SEMA6D: variants seen among roughly 807,000 people sequenced by gnomAD.
SEMA6D encodes the protein semaphorin 6D, also known as semaphorin-6D.
In SEMA6D, 35 loss-of-function variants were observed where a neutral mutation model predicts 106.6. The ratio of observed to expected loss-of-function variants is 0.33; its 90% CI spans 0.25 to 0.44. SEMA6D has a LOEUF of 0.44. Among genes scored for constraint, SEMA6D ranks in the 20% least tolerant of loss-of-function variants. The probability of loss-of-function intolerance (pLI) is 1.00; values close to 1 mark genes in which losing one functional copy is unlikely to be tolerated. For missense variants in SEMA6D, 1,185 were observed against 1,345.9 expected, an observed-to-expected ratio of 0.88 and a Z score of 1.87; for synonymous variants, 499 against 487.7, an observed-to-expected ratio of 1.02 and a Z score of -0.31.
intron 1 of SEMA6D, among the ~76,000 whole-genome samples, chr15:47,274,002 T>C (rs2034684245): frequency 6.6e-6 from 1 of 152,122 alleles, no homozygotes; most frequent in Non-Finnish European, 1.5e-5. Context: ...CTGACCTCTT[T>C]GTAGAGCTTG....
chr15:47,513,575 T>C (rs1212204269), intron 3 of SEMA6D, among the ~76,000 whole-genome samples: 5 of 152,052 alleles, frequency 3.3e-5, no homozygotes, highest in African/African-American at 1.2e-4. Context: ...ATTAACAGGG[T>C]AGCAGTTACA....
chr15:47,440,134 GACTGGATGAAAGC>G (rs2041837992), intron 2 of SEMA6D, among the ~76,000 whole-genome samples: 9 of 151,976 alleles, frequency 5.9e-5, no homozygotes, highest in Non-Finnish European at 8.8e-5. Context: ...ACGTGTTAGA[GACTGGATGAAAGC>G]AGTGGTTTTA....
chr15:47,354,631 C>T (rs1336787836), intron 1 of SEMA6D, among the ~76,000 whole-genome samples: 1 of 151,182 alleles, frequency 6.6e-6, no homozygotes, highest in Non-Finnish European at 1.5e-5. Flanking sequence ...ACACATATTT[C>T]TGAAAGTTTT....
intron 1 of SEMA6D, among the ~76,000 whole-genome samples, chr15:47,260,003 T>G (rs1396014469): frequency 6.6e-6 from 1 of 152,048 alleles, no homozygotes; most frequent in African/African-American, 2.4e-5. Context: ...GCATGTTTTT[T>G]TTTTTCCATT....
intron 3 of SEMA6D, among the ~76,000 whole-genome samples, chr15:47,571,366 C>G (rs1013420545): frequency 6.6e-6 from 1 of 152,220 alleles, no homozygotes; most frequent in Non-Finnish European, 1.5e-5. Flanking sequence ...ATTCAAGTGG[C>G]TGCCATGGCC....
chr15:47,768,619 A>G lies in SEMA6D; in HGVS notation c.1804A>G (p.Ser602Gly), dbSNP rs2082471257. 15 of 1,613,204 alleles carry G rather than the reference A, an allele frequency of 9.3e-6. No individual in the cohort carries two copies. The highest frequency in any genetic ancestry group is 1.1e-5 in the Non-Finnish European group (13 of 1,179,472). ...TTCATCTTCTGTTACCACAATGGCA[A>G]GTATCCCAGAAATCACACCTAAAGT... Reference protein sequence around the residue: ...VSSSSVTTMASIPEITPKVID... With the variant: ...VSSSSVTTMAGIPEITPKVID... The change falls in exon 18 of 19, where the codon AGT becomes GGT. Residue 602 changes from serine to glycine, a missense_variant. Ser to Gly is a moderately conservative substitution (Grantham distance 56, BLOSUM62 0). Coordinates refer to ENST00000536845, the MANE Select transcript of SEMA6D (RefSeq NM_001358351.3).
At chr15:47,315,112 T>C (rs62000221) in intron 1 of SEMA6D, among the ~76,000 whole-genome samples, 63,301 of 151,562 alleles carry the variant, frequency 0.42, 16,177 homozygotes, top group Non-Finnish European at 0.56. Context: ...GTGATCCGCC[T>C]GCCTCGGCCT....
chr15:47,240,981 T>G (rs2032868585), intron 1 of SEMA6D, among the ~76,000 whole-genome samples: 1 of 152,174 alleles, frequency 6.6e-6, no homozygotes, highest in Non-Finnish European at 1.5e-5. Flanking sequence ...CCATACATTC[T>G]GAAATGCAGG....
intron 4 of SEMA6D, among the ~76,000 whole-genome samples, chr15:47,602,533 C>CTT (rs371143869): frequency 6.9e-6 from 1 of 145,488 alleles, no homozygotes; most frequent in Non-Finnish European, 1.5e-5. Context: ...TACAGGTAGA[C>CTT]TTTTTTTTTT....
intron 2 of SEMA6D, among the ~76,000 whole-genome samples, chr15:47,436,470 GA>G (rs537348017): frequency 1.1e-3 from 165 of 151,364 alleles, no homozygotes; most frequent in African/African-American, 3.9e-3. Context: ...TTGTTAGCCT[GA>G]CCTGACTAAT....
chr15:47,453,344 G>T (rs886164755), intron 2 of SEMA6D, among the ~76,000 whole-genome samples: 1 of 149,892 alleles, frequency 6.7e-6, no homozygotes, highest in African/African-American at 2.4e-5. Context: ...AATTTCTATC[G>T]CTTAAAGAAC....
chr15:47,537,756 A>G (rs1201643266), intron 3 of SEMA6D, among the ~76,000 whole-genome samples: 1 of 152,144 alleles, frequency 6.6e-6, no homozygotes, highest in Non-Finnish European at 1.5e-5. Flanking sequence ...GAAGGAAGTA[A>G]TCAAGGATAA....
At chr15:47,702,115 C>T (rs2078824345) in intron 4 of SEMA6D, among the ~76,000 whole-genome samples, 1 of 152,162 alleles carries the variant, frequency 6.6e-6, no homozygotes, top group South Asian at 2.1e-4. Context: ...TTTTTACCTA[C>T]AGCCAGACAC....
intron 1 of SEMA6D, among the ~76,000 whole-genome samples, chr15:47,725,995 A>C (rs1172113595): frequency 2.0e-5 from 3 of 152,240 alleles, no homozygotes; most frequent in Non-Finnish European, 4.4e-5. Context: ...AGCATATACA[A>C]ATTCAATGTT....
intron 3 of SEMA6D, chr15:47,525,102 T>C (rs2044709300): frequency 6.6e-6 from 1 of 152,268 alleles, no homozygotes; most frequent in Non-Finnish European, 1.5e-5. Context: ...CATACTTCCA[T>C]GTGACTTTGC....
intron 1 of SEMA6D, among the ~76,000 whole-genome samples, chr15:47,395,410 A>C (rs2040181046): frequency 6.6e-6 from 1 of 152,234 alleles, no homozygotes; most frequent in South Asian, 2.1e-4. Context: ...TGGTTTTCAA[A>C]CCAGAAGGCT....
chr15:47,232,065 T>C (rs1056509011), intron 1 of SEMA6D, among the ~76,000 whole-genome samples: 3 of 151,950 alleles, frequency 2.0e-5, no homozygotes, highest in Non-Finnish European at 4.4e-5. Context: ...CTCTCCAGAG[T>C]TTCCTTTTTT....
intron 3 of SEMA6D, among the ~76,000 whole-genome samples, chr15:47,596,245 C>T (rs1046966434): frequency 7.2e-5 from 11 of 152,114 alleles, no homozygotes; most frequent in African/African-American, 2.6e-4. Flanking sequence ...TGAAAGATCT[C>T]TACAATGAAA....
At chr15:47,258,054 A>T (rs1253086005) in intron 1 of SEMA6D, among the ~76,000 whole-genome samples, 1 of 152,310 alleles carries the variant, frequency 6.6e-6, no homozygotes, top group East Asian at 1.9e-4. Context: ...TAATACAGCC[A>T]CTTGAGCATT....
Sources: allele counts gnomAD v4.1 joint callset (sites outside exome capture counted in the v4.1 genomes callset), GRCh38; gene constraint gnomAD v4.1.1; transcripts MANE v1.5; gene names NCBI Gene and HGNC (gene_info 2026-07-23, HGNC 2026-07-21).